Variants in FHIT observed in about 807,000 individuals in gnomAD.
FHIT encodes the protein bis(5'-adenosyl)-triphosphatase.
A neutral mutation model predicts 17.9 loss-of-function variants in FHIT; 19 were observed. The observed-to-expected ratio is 1.06, with a 90% CI of 0.74 to 1.56. FHIT has a LOEUF of 1.56. FHIT is among the 40% of genes most tolerant of loss of function. The pLI is 0.00. For synonymous variants in FHIT, 81 were observed against 69.7 expected (o/e 1.16, Z -0.81); for missense variants, 248 against 189.2 (o/e 1.31, Z -1.82).
intron 2 of FHIT, among the ~76,000 whole-genome samples, chr3:61,045,724 A>T (rs1490105896): frequency 6.6e-6 from 1 of 152,224 alleles, no homozygotes; most frequent in Non-Finnish European, 1.5e-5. Context: ...TCCAAAACTG[A>T]CCACATAGTT....
intron 5 of FHIT, among the ~76,000 whole-genome samples, chr3:60,516,407 G>A (rs956430245): frequency 5.3e-5 from 8 of 152,068 alleles, no homozygotes; most frequent in Admixed American, 2.0e-4. Context: ...CTAAAGCATA[G>A]GAAGAAGTTG....
chr3:60,203,461 T>C (rs1703012441), intron 5 of FHIT, among the ~76,000 whole-genome samples: 1 of 152,178 alleles, frequency 6.6e-6, no homozygotes, highest in Admixed American at 6.5e-5. Context: ...TTCAAAAATA[T>C]TTAGAGGACC....
At chr3:60,897,726 A>T (rs1553762246) in intron 3 of FHIT, among the ~76,000 whole-genome samples, 1 of 151,950 alleles carries the variant, frequency 6.6e-6, no homozygotes, top group Non-Finnish European at 1.5e-5. Context: ...CATCCCTTTC[A>T]TTTTCCCTAA....
intron 5 of FHIT, among the ~76,000 whole-genome samples, chr3:60,443,146 T>C (rs1424629160): frequency 8.5e-5 from 13 of 152,228 alleles, no homozygotes; most frequent in Non-Finnish European, 1.2e-4. Flanking sequence ...TTTGCTGAAG[T>C]TGCCTATCAG....
At chr3:60,161,995 A>G (rs1700962174) in intron 5 of FHIT, among the ~76,000 whole-genome samples, 2 of 152,184 alleles carry the variant, frequency 1.3e-5, no homozygotes, top group Non-Finnish European at 2.9e-5. Context: ...CGGACGTTGG[A>G]AAGAATTTTC....
chr3:60,333,803 G>T (rs1035126197), intron 5 of FHIT, among the ~76,000 whole-genome samples: 16 of 151,970 alleles, frequency 1.1e-4, no homozygotes, highest in Admixed American at 7.9e-4. Context: ...CAACCGTCAG[G>T]CCTCCCAGAT....
At chr3:60,222,332 C>T (rs1194410328) in intron 5 of FHIT, among the ~76,000 whole-genome samples, 1 of 152,170 alleles carries the variant, frequency 6.6e-6, no homozygotes, top group Non-Finnish European at 1.5e-5. Flanking sequence ...ACCCTCCCCT[C>T]CCTGTTCTTC....
chr3:60,613,713 T>C (rs2038855888), intron 4 of FHIT, among the ~76,000 whole-genome samples: 1 of 152,104 alleles, frequency 6.6e-6, no homozygotes, highest in Non-Finnish European at 1.5e-5. Context: ...CATTCTCCTT[T>C]GTCTAAGCTT....
chr3:60,120,201 C>A (rs1158546723), intron 5 of FHIT, among the ~76,000 whole-genome samples: 1 of 152,144 alleles, frequency 6.6e-6, no homozygotes, highest in African/African-American at 2.4e-5. Context: ...CTGATGTATG[C>A]CTGTCTGTCC....
chr3:60,654,184 T>A (rs62249153), intron 4 of FHIT, among the ~76,000 whole-genome samples: 15,140 of 152,216 alleles, frequency 0.099, 950 homozygotes, highest in Non-Finnish European at 0.13. Flanking sequence ...CCGTGCTTCC[T>A]GTAAAGCCTG....
chr3:60,129,049 G>GTTTTTTTTTTTTTTTTTTTTTTTTTTTT (rs1553692328), intron 5 of FHIT, among the ~76,000 whole-genome samples: 1 of 121,042 alleles, frequency 8.3e-6, no homozygotes. Flanking sequence ...TTCCTTTTTT[G>GTTTTTTTTTTTTTTTTTTTTTTTTTTTT]TTTGTTTTTT....
At chr3:59,841,427 TG>T (rs1157810893) in intron 8 of FHIT, among the ~76,000 whole-genome samples, 7 of 152,328 alleles carry the variant, frequency 4.6e-5, no homozygotes, top group African/African-American at 1.7e-4. Context: ...ATACATTTCT[TG>T]GGCAGCTTTC....
intron 4 of FHIT, among the ~76,000 whole-genome samples, chr3:60,663,623 G>A (rs1553691734): frequency 6.6e-6 from 1 of 151,934 alleles, no homozygotes; most frequent in Non-Finnish European, 1.5e-5. Context: ...TTTTACAAGA[G>A]AGGGGGTTTC....
chr3:61,237,611 C>T (rs2040264513), intron 1 of FHIT, among the ~76,000 whole-genome samples: 1 of 152,182 alleles, frequency 6.6e-6, no homozygotes, highest in South Asian at 2.1e-4. Context: ...AACTGCTAGC[C>T]AGGAATAGAG....
intron 3 of FHIT, among the ~76,000 whole-genome samples, chr3:60,938,739 C>T (rs1708293113): frequency 6.6e-6 from 1 of 152,150 alleles, no homozygotes; most frequent in Non-Finnish European, 1.5e-5. Context: ...CAGAAATGGC[C>T]TTGCCAATAG....
intron 5 of FHIT, among the ~76,000 whole-genome samples, chr3:60,469,606 C>G (rs1169870596): frequency 6.6e-6 from 1 of 152,200 alleles, no homozygotes; most frequent in African/African-American, 2.4e-5. Flanking sequence ...ATTTTGAATT[C>G]CCTTTCTGAA....
intron 7 of FHIT, among the ~76,000 whole-genome samples, chr3:60,008,937 G>A (rs1263566933): frequency 6.6e-6 from 1 of 152,146 alleles, no homozygotes; most frequent in African/African-American, 2.4e-5. Context: ...ATCACGGGAT[G>A]TGCTTGTTAA....
At chr3:60,434,992 G>C (rs1272929705) in intron 5 of FHIT, among the ~76,000 whole-genome samples, 1 of 151,904 alleles carries the variant, frequency 6.6e-6, no homozygotes, top group Non-Finnish European at 1.5e-5. Context: ...TTCTTTTTTG[G>C]TTTATTTTAC....
chr3:59,772,078 A>ACAGT (rs1702098376), intron 8 of FHIT, among the ~76,000 whole-genome samples: 1 of 152,184 alleles, frequency 6.6e-6, no homozygotes, highest in Non-Finnish European at 1.5e-5. Context: ...GTCCCCCTCC[A>ACAGT]CAGTCACTGG....
Sources: allele counts gnomAD v4.1 joint callset (sites outside exome capture counted in the v4.1 genomes callset), GRCh38; gene constraint gnomAD v4.1.1; transcripts MANE v1.5; gene names NCBI Gene and HGNC (gene_info 2026-07-23, HGNC 2026-07-21).